The following SMURF1 variants were observed in gnomAD, a reference collection of about 807,000 sequenced individuals.
SMURF1 encodes the protein E3 ubiquitin-protein ligase SMURF1.
Under a neutral mutation model 98.0 loss-of-function variants are expected in SMURF1, and 44 were observed. That is an observed-to-expected ratio of 0.45 (90% CI 0.35 to 0.58). The LOEUF is 0.58. Ranked by LOEUF, SMURF1 falls within the 20% of genes least tolerant of loss-of-function variation. SMURF1 has a pLI of 0.00. For synonymous variants in SMURF1, 396 were observed against 374.9 expected (o/e 1.06, Z -0.65); for missense variants, 687 against 938.4 (o/e 0.73, Z 3.50).
At chr7:99,034,801 GC>G (rs1240957724) in intron 16 of SMURF1, among the ~76,000 whole-genome samples, 2 of 152,126 alleles carry the variant, frequency 1.3e-5, no homozygotes, top group Non-Finnish European at 2.9e-5. Flanking sequence ...TGCCCTGATG[GC>G]CAAAGCCGAC....
chr7:99,111,857 A>G (rs897598692), intron 1 of SMURF1, among the ~76,000 whole-genome samples: 14 of 152,184 alleles, frequency 9.2e-5, no homozygotes, highest in African/African-American at 3.4e-4. Flanking sequence ...AACTGGCTCA[A>G]AGGATATGCC....
Position 99,033,124 on chromosome 7 carries a change from T to C in SMURF1, c.2012-3A>G, listed in dbSNP as rs1562994985. On this transcript the variant is annotated splice_polypyrimidine_tract_variant and splice_region_variant and intron_variant, in intron 16 of 17. Coordinates refer to ENST00000361368, the MANE Select transcript of SMURF1 (RefSeq NM_181349.3). ...GGGCCCTGCCGCGCCTGTAGAACCT[T>C]ACAAGACAACATTCTAGTTAATGTA... 1 of 1,570,412 alleles carries C rather than the reference T, an allele frequency of 6.4e-7. No individual in the cohort carries two copies. The highest frequency in any genetic ancestry group is 8.6e-7 in the Non-Finnish European group (1 of 1,157,024).
intron 11 of SMURF1, among the ~76,000 whole-genome samples, chr7:99,044,452 C>T (rs1287286221): frequency 1.3e-5 from 2 of 152,208 alleles, no homozygotes; most frequent in African/African-American, 4.8e-5. Flanking sequence ...CATCCCTTTA[C>T]AAATAATTGG....
Position 99,057,257 on chromosome 7 carries a change from A to T in SMURF1, c.351T>A (p.Asp117Glu), listed in dbSNP as rs1040554612. ...TATCTGAGGGGTTTAGTTTGCATAGATCCAAACGCTGGTCTGTAAACAAAC... is the reference window on the plus strand; with the variant it reads ...TATCTGAGGGGTTTAGTTTGCATAGTTCCAAACGCTGGTCTGTAAACAAAC... Reference protein sequence around the residue: ...RLKDTGYQRLDLCKLNPSDTD... With the variant: ...RLKDTGYQRLELCKLNPSDTD... The change falls in exon 5 of 18, where the codon GAT (aspartate) becomes GAA (glutamate). Residue 117 changes from aspartate to glutamate, a missense_variant. By Grantham distance (45) the Asp-to-Glu change is conservative. Transcript: ENST00000361368. 2.5e-6 allele frequency: 4 copies of T among 1,613,992 alleles called. No homozygotes were observed. In the Admixed American group the frequency reaches 6.7e-5, roughly 27 times the overall value.
At chr7:99,043,592 G>C (rs1468752451) in intron 11 of SMURF1, among the ~76,000 whole-genome samples, 3 of 152,210 alleles carry the variant, frequency 2.0e-5, no homozygotes, top group Non-Finnish European at 2.9e-5. Context: ...CGACAGCTGA[G>C]TAACAGGCAT....
chr7:99,140,036 T>C (rs76866976), intron 1 of SMURF1, among the ~76,000 whole-genome samples: 6,089 of 152,276 alleles, frequency 0.04, 197 homozygotes, highest in East Asian at 0.17. Flanking sequence ...TAATTTGAAA[T>C]AAGTAGGTAG....
chr7:99,133,514 G>A (rs117374679), intron 1 of SMURF1, among the ~76,000 whole-genome samples: 1 of 152,108 alleles, frequency 6.6e-6, no homozygotes, highest in Non-Finnish European at 1.5e-5. Flanking sequence ...AAGAAAACAC[G>A]CAGATTGGCA....
rs143374304 is a variant in SMURF1, at chr7:99,045,751, C to T, written c.1203G>A (p.Arg401=). 20 of 1,614,100 alleles carry T rather than the reference C, an allele frequency of 1.2e-5. No homozygotes were observed. The African/African-American group carries it at 2.7e-4, about 22-fold the overall frequency. Residue 401 remains arginine (R), a synonymous_variant, in exon 11 of 18, where the codon CGG becomes CGA. Transcript: ENST00000361368. Reference sequence around the variant, plus strand: ...CTTCCCCACGGAATTTCACCATCAGCCGTTTTTTCAAGTCTTTCGGTCGCA... The same window carrying T: ...CTTCCCCACGGAATTTCACCATCAGTCGTTTTTTCAAGTCTTTCGGTCGCA... ...MKMRPKDLKK[R]LMVKFRGEEG...
At chr7:99,054,665 C>A (rs1469528089) in intron 6 of SMURF1, 125 bp downstream of exon 6, 2 of 784,840 alleles carry the variant, frequency 2.5e-6, no homozygotes, top group Non-Finnish European at 4.2e-6. Flanking sequence ...CAGTTTTATC[C>A]CAACATCCTT....
intron 11 of SMURF1, 150 bp downstream of exon 11, chr7:99,045,548 T>C: frequency 1.6e-6 from 1 of 621,674 alleles, no homozygotes; most frequent in Non-Finnish European, 2.9e-6. Context: ...GCAGGGTGGC[T>C]GAAGCCAGTG....
chr7:99,040,335 G>C (rs766755073), intron 13 of SMURF1, 43 bp downstream of exon 13: 4 of 1,422,138 alleles, frequency 2.8e-6, no homozygotes, highest in South Asian at 1.7e-5. Flanking sequence ...TAGACGTGGT[G>C]GTGGGCCCTA....
rs767532667 is a variant in SMURF1 at position 99,047,816 on chromosome 7, G to T, written c.1020C>A (p.Asp340Glu). Reference protein sequence around the residue: ...LPLPSEGSLEDEELPAQRYER... With the variant: ...LPLPSEGSLEEEELPAQRYER... ...CGTATCTCTGGGCAGGAAGCTCCTC[G>T]TCCTCCAGAGAGCCCTCACTGGGCA... The change falls in exon 10 of 18, where the codon GAC (aspartate) becomes GAA (glutamate). Residue 340 changes from aspartate to glutamate, a missense_variant. Asp to Glu is a conservative substitution (Grantham distance 45). Coordinates refer to ENST00000361368, the MANE Select transcript of SMURF1 (RefSeq NM_181349.3). 1 of 1,614,060 alleles carries T rather than the reference G, an allele frequency of 6.2e-7. No homozygotes were observed. The highest frequency in any genetic ancestry group is 8.5e-7 in the Non-Finnish European group (1 of 1,180,048).
At chr7:99,085,430 T>C in intron 1 of SMURF1, among the ~76,000 whole-genome samples, 1 of 151,604 alleles carries the variant, frequency 6.6e-6, no homozygotes. Context: ...GAAGCCGTCA[T>C]GCTTCCTGTA....
At chr7:99,074,839 G>A (rs997256984) in intron 1 of SMURF1, among the ~76,000 whole-genome samples, 2 of 152,136 alleles carry the variant, frequency 1.3e-5, no homozygotes, top group African/African-American at 4.8e-5. Context: ...ATCAGCCTGG[G>A]CAAAACAGTG....
chr7:99,059,181 C>T (rs868759295), intron 3 of SMURF1, among the ~76,000 whole-genome samples: 42 of 150,866 alleles, frequency 2.8e-4, no homozygotes, highest in African/African-American at 9.2e-4. Flanking sequence ...GGGCGGATCA[C>T]GAGGTCAGGA....
intron 1 of SMURF1, among the ~76,000 whole-genome samples, chr7:99,127,603 G>A (rs1311378200): frequency 6.6e-6 from 1 of 152,120 alleles, no homozygotes; most frequent in African/African-American, 2.4e-5. Context: ...GGGACAGAGG[G>A]GAAAGGAGGC....
In SMURF1 at chr7:99,029,831, A is replaced by G. The variant is rs1794817832; in HGVS notation, c.*753T>C. 1 of 152,210 alleles carries G rather than the reference A, an allele frequency of 6.6e-6. No individual in the cohort carries two copies. 9.4% of individuals were successfully genotyped at this position (152,210 alleles called of 1,614,324 possible). ...ATGACATGGTGTTTTCACTGAAAAA[A>G]AAGTCAAACTGGACAGATAATGCAG... On this transcript the variant is annotated 3_prime_UTR_variant, in exon 18 of 18. Coordinates refer to ENST00000361368, the MANE Select transcript of SMURF1 (RefSeq NM_181349.3).
intron 1 of SMURF1, among the ~76,000 whole-genome samples, chr7:99,094,639 G>A (rs1796903947): frequency 7.4e-6 from 1 of 134,312 alleles, no homozygotes. Context: ...GGAGTGAAAT[G>A]AAAATCTTAG....
intron 2 of SMURF1, among the ~76,000 whole-genome samples, chr7:99,061,340 T>C (rs547753376): frequency 3.3e-5 from 5 of 152,264 alleles, no homozygotes; most frequent in Non-Finnish European, 7.3e-5. Flanking sequence ...CATGACTTTC[T>C]TAAGGAGTGA....
Sources: allele counts gnomAD v4.1 joint callset (sites outside exome capture counted in the v4.1 genomes callset), GRCh38; gene constraint gnomAD v4.1.1; transcripts MANE v1.5; gene names NCBI Gene and HGNC (gene_info 2026-07-23, HGNC 2026-07-21).